GTF2B: variants seen among roughly 807,000 people sequenced by gnomAD.
The protein encoded by GTF2B is general transcription factor IIB.
In GTF2B, 20 loss-of-function variants were observed where a neutral mutation model predicts 34.6. The ratio of observed to expected loss-of-function variants is 0.58; its 90% CI spans 0.41 to 0.84. The LOEUF is 0.84. GTF2B is among the 40% of genes least tolerant of loss of function. The pLI, the probability that GTF2B is intolerant of heterozygous loss-of-function variation, is 0.00. For synonymous variants in GTF2B, 142 were observed against 132.4 expected, an observed-to-expected ratio of 1.07 and a Z score of -0.50; for missense variants, 237 against 393.3, an observed-to-expected ratio of 0.60 and a Z score of 3.36.
intron 3 of GTF2B, among the ~76,000 whole-genome samples, chr1:88,863,528 T>C (rs902629153): frequency 2.0e-5 from 3 of 152,046 alleles, no homozygotes; most frequent in African/African-American, 4.8e-5. Context: ...TATTTTCCTT[T>C]TTTTTTGTAG....
intron 2 of GTF2B, among the ~76,000 whole-genome samples, chr1:88,881,374 C>A (rs1030678161): frequency 3.9e-4 from 59 of 152,180 alleles, no homozygotes; most frequent in African/African-American, 1.4e-3. Context: ...CGATGCATTT[C>A]TCAGAACATA....
chr1:88,864,459 G>C (rs1160420154), intron 2 of GTF2B, among the ~76,000 whole-genome samples: 1 of 152,092 alleles, frequency 6.6e-6, no homozygotes, highest in Non-Finnish European at 1.5e-5. Context: ...CAATAGGCAT[G>C]GGAAAAAAAG....
At chr1:88,876,803 A>C (rs1673828325) in intron 2 of GTF2B, among the ~76,000 whole-genome samples, 1 of 152,210 alleles carries the variant, frequency 6.6e-6, no homozygotes, top group South Asian at 2.1e-4. Flanking sequence ...TGGGTGAGGA[A>C]AAAAGATTTT....
rs773605428 is a variant in GTF2B at position 88,860,154 on chromosome 1, G to C, written c.391C>G (p.Pro131Ala). 1 of 1,614,100 alleles carries C rather than the reference G, an allele frequency of 6.2e-7. No homozygotes were observed. The highest frequency in any genetic ancestry group is 8.5e-7 in the Non-Finnish European group (1 of 1,179,980). Residue 131 changes from proline (P) to alanine (A), a missense_variant, in exon 4 of 7, where the codon CCT becomes GCT. Transcript: ENST00000370500. ...CAAGAACTTACAACTATATTTCGAGGTAGATTGATTCTGTCTGCCATGGTA... is the reference window on the plus strand; with the variant it reads ...CAAGAACTTACAACTATATTTCGAGCTAGATTGATTCTGTCTGCCATGGTA... ...ITTMADRINL[P>A]RNIVDRTNNL...
chr1:88,862,537 C>G (rs1026305802), intron 3 of GTF2B, among the ~76,000 whole-genome samples: 1 of 152,042 alleles, frequency 6.6e-6, no homozygotes, highest in Non-Finnish European at 1.5e-5. Flanking sequence ...AGTGTTAGAA[C>G]GTCTCAAAAA....
intron 2 of GTF2B, among the ~76,000 whole-genome samples, chr1:88,878,265 C>G (rs1375677853): frequency 6.6e-6 from 1 of 152,072 alleles, no homozygotes; most frequent in South Asian, 2.1e-4. Context: ...CAGGGTGAGA[C>G]CCTGTCTCAA....
chr1:88,891,435 CGCTCGCGCCCGCCCCTCA>C (rs1557664427), intron 1 of GTF2B, 30 bp downstream of exon 1: 2 of 1,529,352 alleles, frequency 1.3e-6, no homozygotes, highest in Non-Finnish European at 1.8e-6. Context: ...AAGCCGGCGG[CGCTCGCGCCCGCCCCTCA>C]GCTCGCCGGG....
chr1:88,863,332 A>C (rs182967565), intron 3 of GTF2B, among the ~76,000 whole-genome samples: 1 of 151,732 alleles, frequency 6.6e-6, no homozygotes, highest in East Asian at 1.9e-4. Flanking sequence ...GTATAGAGAG[A>C]AAAGAGAAGA....
At chr1:88,891,110 A>C (rs1324776699) in intron 1 of GTF2B, among the ~76,000 whole-genome samples, 1 of 104,864 alleles carries the variant, frequency 9.5e-6, no homozygotes, top group African/African-American at 3.5e-5. Flanking sequence ...CCGTAGATGA[A>C]AAAAACAAGC....
chr1:88,870,389 T>G (rs1673663676), intron 2 of GTF2B, among the ~76,000 whole-genome samples: 1 of 152,222 alleles, frequency 6.6e-6, no homozygotes, highest in Admixed American at 6.5e-5. Context: ...ATACTACTGA[T>G]TTTGAATTAA....
At chr1:88,872,809 T>C (rs1207983247) in intron 2 of GTF2B, among the ~76,000 whole-genome samples, 1 of 152,158 alleles carries the variant, frequency 6.6e-6, no homozygotes, top group African/African-American at 2.4e-5. Flanking sequence ...TTTTATTGTG[T>C]TTGTCTCCTT....
At chr1:88,884,332 T>G (rs1674016704) in intron 2 of GTF2B, among the ~76,000 whole-genome samples, 1 of 152,142 alleles carries the variant, frequency 6.6e-6, no homozygotes, top group African/African-American at 2.4e-5. Context: ...CGCCCAACAC[T>G]GACTTCTTGA....
chr1:88,890,820 C>T (rs1674181373), intron 1 of GTF2B, among the ~76,000 whole-genome samples: 1 of 152,066 alleles, frequency 6.6e-6, no homozygotes, highest in Non-Finnish European at 1.5e-5. Flanking sequence ...AAAAAGCGAC[C>T]TCCCAGCACA....
chr1:88,861,100 A>G (rs1673430236), intron 3 of GTF2B, among the ~76,000 whole-genome samples: 1 of 152,224 alleles, frequency 6.6e-6, no homozygotes, highest in Non-Finnish European at 1.5e-5. Context: ...ATAGAAATCA[A>G]TACCCTTCAT....
rs1253227206 is a variant in GTF2B, at chr1:88,856,279, AAAAAAAAAAAAC to A, written c.817+915_817+926del. On this transcript the variant is annotated intron_variant, in intron 6 of 6. Coordinates refer to ENST00000370500, the MANE Select transcript of GTF2B (RefSeq NM_001514.6). Reference sequence around the variant, plus strand: ...GGGAGACTGTTTCAAAAACAAAAAAAAAAAAAAAAAACAAAAAAAAAAAAGGAAAAGAAATTC... The same window carrying A: ...GGGAGACTGTTTCAAAAACAAAAAAAAAAAAAAAAAAAGGAAAAGAAATTC... 3.0e-3 allele frequency among the ~76,000 whole-genome samples: 358 copies of A among 117,610 alleles called. 3 individuals carry two copies. The highest frequency in any genetic ancestry group is 8.8e-3 in the African/African-American group (227 of 25,876). The allele number at this position is 117,610 out of a possible 152,430, so 77.2% of individuals were successfully genotyped here. A position where few individuals can be genotyped will look rare whatever the true frequency, so the allele number is the denominator to read the frequency against.
At chr1:88,878,882 G>A (rs986326256) in intron 2 of GTF2B, among the ~76,000 whole-genome samples, 1 of 152,312 alleles carries the variant, frequency 6.6e-6, no homozygotes, top group African/African-American at 2.4e-5. Context: ...CATGTGCGGA[G>A]GTCAAGGAGC....
At chr1:88,884,758 C>T (rs1017263099) in intron 2 of GTF2B, among the ~76,000 whole-genome samples, 8 of 152,174 alleles carry the variant, frequency 5.3e-5, no homozygotes, top group East Asian at 1.9e-4. Flanking sequence ...GTAATGTCCA[C>T]GCTTACTGTA....
chr1:88,889,187 G>C (rs1366006644), intron 1 of GTF2B, among the ~76,000 whole-genome samples: 5 of 152,184 alleles, frequency 3.3e-5, no homozygotes, highest in Non-Finnish European at 7.4e-5. Context: ...TTAGATGGCT[G>C]GGAGCTAGGA....
intron 1 of GTF2B, among the ~76,000 whole-genome samples, chr1:88,889,257 GTATGTGTTACC>G (rs1277518316): frequency 1.3e-5 from 2 of 152,166 alleles, no homozygotes; most frequent in East Asian, 3.8e-4. Flanking sequence ...TGGACCATTT[GTATGTGTTACC>G]TATCAAAATA....
Sources: allele counts gnomAD v4.1 joint callset (sites outside exome capture counted in the v4.1 genomes callset), GRCh38; gene constraint gnomAD v4.1.1; transcripts MANE v1.5; gene names NCBI Gene and HGNC (gene_info 2026-07-23, HGNC 2026-07-21).